Variants in GPBP1L1 observed in about 807,000 individuals in gnomAD.
The protein encoded by GPBP1L1 is vasculin-like protein 1.
GPBP1L1 carries 23 observed loss-of-function variants against 52.5 expected under a neutral mutation model. The ratio of observed to expected loss-of-function variants is 0.44; its 90% CI spans 0.32 to 0.62. The LOEUF is 0.62. Among genes scored for constraint, GPBP1L1 ranks in the 20% least tolerant of loss-of-function variants. The probability of loss-of-function intolerance (pLI) is 0.06; values close to 1 mark genes in which losing one functional copy is unlikely to be tolerated. For missense variants in GPBP1L1, 596 were observed against 579.3 expected (o/e 1.03, Z -0.30); for synonymous variants, 243 against 203.1 (o/e 1.20, Z -1.67).
chr1:45,645,373 C>T (rs887581587), intron 6 of GPBP1L1, among the ~76,000 whole-genome samples: 1 of 152,150 alleles, frequency 6.6e-6, no homozygotes, highest in Non-Finnish European at 1.5e-5. Context: ...TTTTACGGAA[C>T]ATCTATTTTA....
intron 6 of GPBP1L1, among the ~76,000 whole-genome samples, chr1:45,646,648 C>T (rs1455101314): frequency 2.0e-5 from 3 of 152,002 alleles, no homozygotes; most frequent in Non-Finnish European, 2.9e-5. Flanking sequence ...CTCCACCTCC[C>T]GGGTTCACGC....
intron 9 of GPBP1L1, 89 bp downstream of exon 9, chr1:45,634,007 G>T: frequency 7.7e-7 from 1 of 1,292,306 alleles, no homozygotes; most frequent in Middle Eastern, 1.9e-4. Flanking sequence ...TACAAAACAA[G>T]TGTCACAGCT....
chr1:45,678,414 A>C (rs547216570), intron 2 of GPBP1L1, among the ~76,000 whole-genome samples: 140 of 152,354 alleles, frequency 9.2e-4, no homozygotes, highest in African/African-American at 3.3e-3. Flanking sequence ...AAGGGGAAAG[A>C]TTGTTTAATA....
chr1:45,686,900 G>C (rs929598048), upstream of GPBP1L1: 5 of 152,398 alleles, frequency 3.3e-5, no homozygotes, highest in African/African-American at 4.8e-5. Flanking sequence ...GCCTGGGCGC[G>C]TATGAATGAG....
At chr1:45,636,553 A>G (rs1314513022) in intron 8 of GPBP1L1, among the ~76,000 whole-genome samples, 1 of 152,078 alleles carries the variant, frequency 6.6e-6, no homozygotes, top group Non-Finnish European at 1.5e-5. Context: ...CTCCAAACAT[A>G]CCATATTCTG....
At chr1:45,674,394 C>T (rs1021585150) in intron 2 of GPBP1L1, among the ~76,000 whole-genome samples, 3 of 152,198 alleles carry the variant, frequency 2.0e-5, no homozygotes, top group Non-Finnish European at 4.4e-5. Context: ...AACAATCTTA[C>T]ATTGATAATA....
At chr1:45,687,206 C>G (rs1048061133), upstream of GPBP1L1, 2 of 152,274 alleles carry the variant, frequency 1.3e-5, no homozygotes, top group South Asian at 2.1e-4. Context: ...CCCGCCCAAG[C>G]GAAGGGCGGG....
chr1:45,683,686 G>C (rs1230104564), intron 2 of GPBP1L1, among the ~76,000 whole-genome samples: 1 of 147,792 alleles, frequency 6.8e-6, no homozygotes, highest in African/African-American at 2.5e-5. Context: ...ACCATTGCTT[G>C]AGTCCCTGAG....
chr1:45,685,274 G>C (rs1046121293), intron 2 of GPBP1L1, among the ~76,000 whole-genome samples: 2 of 152,160 alleles, frequency 1.3e-5, no homozygotes, highest in Admixed American at 6.5e-5. Context: ...ACAAATATAA[G>C]TCTAATGAGG....
intron 6 of GPBP1L1, among the ~76,000 whole-genome samples, chr1:45,645,297 T>G (rs1644729797): frequency 1.3e-5 from 2 of 152,192 alleles, no homozygotes; most frequent in Non-Finnish European, 2.9e-5. Flanking sequence ...TATTTTTCAC[T>G]CCAAAGCTAA....
chr1:45,627,385 TTG>T lies in GPBP1L1; in HGVS notation c.*869_*870del, dbSNP rs1407208044. ...AGTATCTGCTAAAATAGAGAAACAG[TTG>T]TGTCTGAATTCACATTTCCCCCCAA... On this transcript the variant is annotated 3_prime_UTR_variant, in exon 13 of 13. Transcript: ENST00000355105. The T allele has an allele frequency of 3.9e-5, 6 of 152,308 alleles. No homozygotes were observed. Among genetic ancestry groups the T allele is most frequent in the African/African-American group, 1.5e-4 (6 of 41,344 alleles). 9.4% of individuals were successfully genotyped at this position (152,308 alleles called of 1,614,324 possible).
chr1:45,664,043 AT>A, intron 2 of GPBP1L1, among the ~76,000 whole-genome samples: 1 of 152,202 alleles, frequency 6.6e-6, no homozygotes, highest in East Asian at 1.9e-4. Flanking sequence ...TTAAAAAAAA[AT>A]TTCTTGGGCC....
intron 2 of GPBP1L1, among the ~76,000 whole-genome samples, 156 bp downstream of exon 2, chr1:45,685,420 C>A (rs184268846): frequency 6.6e-6 from 1 of 152,138 alleles, no homozygotes; most frequent in East Asian, 1.9e-4. Flanking sequence ...AATATTTCAA[C>A]AAATATGACA....
chr1:45,631,989 G>A (rs1181363080), intron 10 of GPBP1L1, among the ~76,000 whole-genome samples: 1 of 152,116 alleles, frequency 6.6e-6, no homozygotes, highest in Non-Finnish European at 1.5e-5. Context: ...GGGAGGCTGA[G>A]GTGGGTGGAT....
rs781423993 is a variant in GPBP1L1, at chr1:45,633,556, A to G, written c.977T>C (p.Leu326Pro). The G allele has an allele frequency of 1.2e-6, 2 of 1,614,060 alleles. No individual in the cohort carries two copies. Among genetic ancestry groups the G allele is most frequent in the East Asian group, 2.2e-5 (1 of 44,880 alleles). ...ATTCCGGTCATCCTTCAGAGTTTTC[A>G]GGAACTCACTCTTCCTGTCGGTGGT... ...RRTTDRKSEF[L>P]KTLKDDRNGD... The change falls in exon 10 of 13, where the codon CTG becomes CCG. Residue 326 changes from leucine to proline, a missense_variant. By Grantham distance (98) the Leu-to-Pro change is moderately conservative. Coordinates refer to ENST00000355105, the MANE Select transcript of GPBP1L1 (RefSeq NM_021639.5).
chr1:45,642,029 C>T (rs1644681187), intron 7 of GPBP1L1, among the ~76,000 whole-genome samples: 1 of 151,978 alleles, frequency 6.6e-6, no homozygotes, highest in Non-Finnish European at 1.5e-5. Context: ...ACTAAAAATA[C>T]AAACATTAGC....
chr1:45,630,672 T>C, intron 10 of GPBP1L1, 66 bp from the exon 11 acceptor site: 2 of 1,562,502 alleles, frequency 1.3e-6, no homozygotes, highest in South Asian at 2.3e-5. Context: ...AAGCAACCTA[T>C]GAAATCAAGG....
chr1:45,641,720 G>A (rs1422612113), intron 7 of GPBP1L1: 1 of 150,464 alleles, frequency 6.6e-6, no homozygotes, highest in East Asian at 2.0e-4. Context: ...GGAGGCTGAG[G>A]CAGGAGAAAA....
intron 4 of GPBP1L1, chr1:45,655,621 T>A: frequency 4.6e-6 from 1 of 215,206 alleles, no homozygotes; most frequent in Non-Finnish European, 9.1e-6. Context: ...AAATATAAGC[T>A]CCAAAACTTT....
Sources: allele counts gnomAD v4.1 joint callset (sites outside exome capture counted in the v4.1 genomes callset), GRCh38; gene constraint gnomAD v4.1.1; transcripts MANE v1.5; gene names NCBI Gene and HGNC (gene_info 2026-07-23, HGNC 2026-07-21).